The following SHISA6 variants were observed in gnomAD, a reference collection of about 807,000 sequenced individuals.
SHISA6 encodes the protein shisa family member 6.
Under a neutral mutation model 47.9 loss-of-function variants are expected in SHISA6, and 22 were observed. The observed-to-expected ratio is 0.46, with a 90% CI of 0.33 to 0.66. SHISA6 has a LOEUF of 0.66. Among genes scored for constraint, SHISA6 ranks in the 30% least tolerant of loss-of-function variants. The pLI is 0.02. For synonymous variants in SHISA6, 388 were observed against 337.8 expected, an observed-to-expected ratio of 1.15 and a Z score of -1.63; for missense variants, 680 against 764.6, an observed-to-expected ratio of 0.89 and a Z score of 1.30.
intron 2 of SHISA6, among the ~76,000 whole-genome samples, chr17:11,356,573 T>G (rs1475402182): frequency 6.6e-6 from 1 of 152,082 alleles, no homozygotes; most frequent in African/African-American, 2.4e-5. Flanking sequence ...GACTGACAGC[T>G]GTGGAGGAGT....
Position 11,241,464 on chromosome 17 carries a change from G to A in SHISA6, c.42G>A (p.Leu14=). The A allele has an allele frequency of 8.2e-7, 1 of 1,215,474 alleles. No individual in the cohort carries two copies. The highest frequency in any genetic ancestry group is 1.6e-5 in the South Asian group (1 of 60,738). 75.3% of individuals were successfully genotyped at this position (1,215,474 alleles called of 1,614,324 possible). A position where few individuals can be genotyped will look rare whatever the true frequency, so the allele number is the denominator to read the frequency against. Residue 14 remains leucine, a synonymous_variant, in exon 1 of 6, where the codon CTG becomes CTA. Transcript: ENST00000441885. This position sits in a 1 kb window ranked among gnomAD's most constrained non-coding sequence, Gnocchi z 5.5. ...TCCTGCTGCTGCTGCTGCTCTCGCTGGAGTCCCTGGACCTGCTGCCCAGCG... is the reference window on the plus strand; with the variant it reads ...TCCTGCTGCTGCTGCTGCTCTCGCTAGAGTCCCTGGACCTGCTGCCCAGCG... ...RRLLLLLLLS[L]ESLDLLPSVH...
At chr17:11,456,049 G>T (rs1241901934) in intron 3 of SHISA6, among the ~76,000 whole-genome samples, 1 of 152,184 alleles carries the variant, frequency 6.6e-6, no homozygotes, top group Non-Finnish European at 1.5e-5. Context: ...TGGTTAGAAA[G>T]GCGCTTTGTA....
At chr17:11,495,000 C>T (rs1216097561) in intron 3 of SHISA6, among the ~76,000 whole-genome samples, 1 of 152,136 alleles carries the variant, frequency 6.6e-6, no homozygotes, top group African/African-American at 2.4e-5. Flanking sequence ...CAATGGCCGA[C>T]CAGGCTACAT....
chr17:11,412,420 AT>A (rs1017748411), intron 3 of SHISA6, among the ~76,000 whole-genome samples: 5 of 152,204 alleles, frequency 3.3e-5, no homozygotes, highest in East Asian at 1.9e-4. Context: ...CAAGGACCAC[AT>A]TTATTTCTTG....
rs113451431 is a variant in SHISA6, at chr17:11,312,265, G to T, written c.799+48739G>T. 6.4e-3 allele frequency among the ~76,000 whole-genome samples: 968 copies of T among 151,110 alleles called. 10 individuals carry two copies. Among genetic ancestry groups the T allele is most frequent in the African/African-American group, 0.022 (906 of 41,348 alleles). On this transcript the variant is annotated intron_variant, in intron 2 of 5. Coordinates refer to ENST00000441885, the MANE Select transcript of SHISA6 (RefSeq NM_207386.4). ...TATTATCTAATATACTGTGTTGAGG[G>T]CTTAATTAATTTATTATCATGTTTT...
intron 3 of SHISA6, among the ~76,000 whole-genome samples, chr17:11,461,160 G>A (rs1426473672): frequency 3.9e-4 from 60 of 152,198 alleles, no homozygotes; most frequent in Admixed American, 3.9e-3. Context: ...CACTTCAGGA[G>A]GCGGAGGCAG....
intron 2 of SHISA6, among the ~76,000 whole-genome samples, chr17:11,266,270 A>C (rs747429996): frequency 6.6e-6 from 1 of 152,220 alleles, no homozygotes; most frequent in African/African-American, 2.4e-5. Context: ...GGAGATATCC[A>C]GCAACACCAA....
chr17:11,293,383 T>G (rs1286647376), intron 2 of SHISA6, among the ~76,000 whole-genome samples: 1 of 152,166 alleles, frequency 6.6e-6, no homozygotes, highest in Non-Finnish European at 1.5e-5. Context: ...GACTACTACA[T>G]GTTAAAAGCA....
At chr17:11,403,257 A>G (rs911018687) in intron 3 of SHISA6, among the ~76,000 whole-genome samples, 2 of 152,180 alleles carry the variant, frequency 1.3e-5, no homozygotes, top group African/African-American at 4.8e-5. Context: ...CAGATTTGAT[A>G]GGGGGAGGTT....
intron 3 of SHISA6, among the ~76,000 whole-genome samples, chr17:11,384,766 T>C (rs980523424): frequency 1.3e-5 from 2 of 152,106 alleles, no homozygotes; most frequent in Non-Finnish European, 2.9e-5. Flanking sequence ...CTGATATTTC[T>C]CACCACTCAC....
intron 2 of SHISA6, among the ~76,000 whole-genome samples, chr17:11,307,126 T>A (rs1488071446): frequency 7.0e-6 from 1 of 141,852 alleles, no homozygotes; most frequent in Non-Finnish European, 1.5e-5. Flanking sequence ...ATTTATTTAT[T>A]TTTGTTTGTT....
At chr17:11,379,702 GC>G in intron 3 of SHISA6, 193 bp downstream of exon 3, 1 of 454,120 alleles carries the variant, frequency 2.2e-6, no homozygotes, top group Non-Finnish European at 3.9e-6. Context: ...ACTTTAGAGG[GC>G]GATAGACTTC....
intron 3 of SHISA6, among the ~76,000 whole-genome samples, chr17:11,436,591 A>G (rs1420763689): frequency 1.3e-5 from 2 of 152,068 alleles, no homozygotes; most frequent in African/African-American, 2.4e-5. Flanking sequence ...CGATTTAACT[A>G]CTTGTTTAAT....
intron 2 of SHISA6, among the ~76,000 whole-genome samples, chr17:11,370,396 A>T (rs1567586845): frequency 6.6e-6 from 1 of 152,102 alleles, no homozygotes; most frequent in Non-Finnish European, 1.5e-5. Context: ...TCAGCTGGAG[A>T]CGTCCATGGA....
chr17:11,241,889 C>A lies in SHISA6; in HGVS notation c.467C>A (p.Thr156Asn). The A allele has an allele frequency of 6.4e-7, 1 of 1,551,244 alleles. No individual in the cohort carries two copies. The highest frequency in any genetic ancestry group is 8.7e-7 in the Non-Finnish European group (1 of 1,147,024). ...CCGGTGTGGGTACAGACGCCCAGCA[C>A]CAAGGTGGTGTCGCCGGGGCCCGAG... The part of the protein sequence containing the change: ...QSPVWVQTPS[T>N]KVVSPGPENK... The change falls in exon 1 of 6, where the codon ACC (threonine) becomes AAC (asparagine). Residue 156 changes from threonine (T) to asparagine (N), a missense_variant. Thr to Asn is a moderately conservative substitution (Grantham distance 65, BLOSUM62 0). Transcript: ENST00000441885. The surrounding 1 kb of genome is among the most constrained non-coding windows in gnomAD (Gnocchi z 5.5).
intron 3 of SHISA6, 30 bp from the exon 4 acceptor site, chr17:11,551,866 C>G: frequency 6.5e-7 from 1 of 1,544,330 alleles, no homozygotes; most frequent in East Asian, 2.4e-5. Context: ...CTGAACTCTT[C>G]TTTAAAAATT....
In SHISA6 at chr17:11,241,504, G is replaced by A; in HGVS notation, c.82G>A (p.Gly28Ser). 8.6e-7 allele frequency: 1 copy of A among 1,156,278 alleles called. No homozygotes were observed. The highest frequency in any genetic ancestry group is 1.1e-6 in the Non-Finnish European group (1 of 932,404). 71.6% of individuals were successfully genotyped at this position (1,156,278 alleles called of 1,614,324 possible). A position where few individuals can be genotyped will look rare whatever the true frequency, so the allele number is the denominator to read the frequency against. Residue 28 changes from glycine (G) to serine (S), a missense_variant, in exon 1 of 6, where the codon GGC becomes AGC. Gly to Ser is a moderately conservative substitution (Grantham distance 56). This residue lies in a region of SHISA6 where 121 missense variants were observed against 90.5 expected (regional missense o/e 1.34). Coordinates refer to ENST00000441885, the MANE Select transcript of SHISA6 (RefSeq NM_207386.4). The surrounding 1 kb of genome is among the most constrained non-coding windows in gnomAD (Gnocchi z 5.5). ...DLLPSVHGAR[G>S]RAANRTLSAG... ...GCTGCCCAGCGTCCACGGAGCCCGCGGCCGCGCCGCCAACCGGACCCTGAG... is the reference window on the plus strand; with the variant it reads ...GCTGCCCAGCGTCCACGGAGCCCGCAGCCGCGCCGCCAACCGGACCCTGAG...
intron 2 of SHISA6, among the ~76,000 whole-genome samples, chr17:11,337,253 G>A (rs780107050): frequency 6.6e-6 from 1 of 152,158 alleles, no homozygotes; most frequent in Admixed American, 6.5e-5. Flanking sequence ...AAAGCCAGTC[G>A]TGCGATACAT....
At chr17:11,296,911 A>G (rs1020170046) in intron 2 of SHISA6, among the ~76,000 whole-genome samples, 1 of 152,180 alleles carries the variant, frequency 6.6e-6, no homozygotes, top group African/African-American at 2.4e-5. Flanking sequence ...GTGTAAAGCC[A>G]TGGAGGGGCT....
Sources: gnomAD v4.1 joint callset for allele counts (sites outside exome capture counted in the v4.1 genomes callset) on GRCh38, gnomAD v4.1.1 for gene constraint, gnomAD v4.1.1 regional missense constraint, Gnocchi (gnomAD v3.1) non-coding constraint, MANE v1.5 for transcripts, NCBI Gene and HGNC (gene_info 2026-07-23, HGNC 2026-07-21) for gene names.